The following UBAP2 variants were observed in gnomAD, a reference collection of about 807,000 sequenced individuals.
The protein encoded by UBAP2 is ubiquitin associated protein 2, also known as ubiquitin-associated protein 2.
A neutral mutation model predicts 139.6 loss-of-function variants in UBAP2; 75 were observed. That is an observed-to-expected ratio of 0.54 (90% CI 0.45 to 0.65). The LOEUF is 0.65. Among genes scored for constraint, UBAP2 ranks in the 30% least tolerant of loss-of-function variants. The pLI is 0.00. For synonymous variants in UBAP2, 526 were observed against 526.2 expected (o/e 1.00, Z 0.01); for missense variants, 1,368 against 1,369.6 (o/e 1.00, Z 0.02).
Position 33,923,430 on chromosome 9 carries a change from T to C in UBAP2, c.2845A>G (p.Thr949Ala). 6.2e-7 allele frequency: 1 copy of C among 1,613,938 alleles called. No individual in the cohort carries two copies. Among genetic ancestry groups the C allele is most frequent in the Non-Finnish European group, 8.5e-7 (1 of 1,179,978 alleles). ...CCACTGGCCTGCTGGAAGGGAGGTG[T>C]GGGAGTGCTGAGGTTCACCCCATGT... Reference protein sequence around the residue: ...KQHGVNLSTPTPPFQQASGYG... With the variant: ...KQHGVNLSTPAPPFQQASGYG... The change falls in exon 25 of 29, where the codon ACA (threonine) becomes GCA (alanine). Residue 949 changes from threonine (T) to alanine (A), a missense_variant. Coordinates refer to ENST00000379238, the MANE Select transcript of UBAP2 (RefSeq NM_001370062.2).
At chr9:34,020,485 C>T (rs546551083) in intron 1 of UBAP2, among the ~76,000 whole-genome samples, 6 of 152,056 alleles carry the variant, frequency 3.9e-5, no homozygotes, top group South Asian at 2.1e-4. Flanking sequence ...CCACCATGCC[C>T]GGCTAATTTT....
intron 1 of UBAP2, among the ~76,000 whole-genome samples, chr9:34,021,643 T>C (rs1050593556): frequency 4.0e-5 from 6 of 151,378 alleles, no homozygotes; most frequent in Middle Eastern, 3.4e-3. Flanking sequence ...TTTTTTTTTT[T>C]TTTTTTTTGA....
At chr9:33,937,421 A>G (rs1824651056) in intron 16 of UBAP2, among the ~76,000 whole-genome samples, 1 of 152,010 alleles carries the variant, frequency 6.6e-6, no homozygotes, top group African/African-American at 2.4e-5. Flanking sequence ...AGCCTAGCCA[A>G]CATAGTGAAA....
chr9:34,034,514 A>T (rs1826158871), intron 1 of UBAP2, among the ~76,000 whole-genome samples: 1 of 152,202 alleles, frequency 6.6e-6, no homozygotes, highest in African/African-American at 2.4e-5. Context: ...TAATCCAAAT[A>T]CAAAATTCCT....
At chr9:34,037,483 C>T (rs1297946194) in intron 1 of UBAP2, among the ~76,000 whole-genome samples, 2 of 152,156 alleles carry the variant, frequency 1.3e-5, no homozygotes, top group African/African-American at 4.8e-5. Context: ...CTCACTCCCA[C>T]AAATCAAAGG....
intron 5 of UBAP2, 117 bp downstream of exon 5, chr9:33,988,856 T>C (rs1374102912): frequency 1.7e-6 from 2 of 1,150,874 alleles, no homozygotes; most frequent in African/African-American, 1.6e-5. Flanking sequence ...AAGAAAAAAT[T>C]TGAGAAAGCT....
At chr9:33,946,892 C>T (rs1825694146) in intron 13 of UBAP2, among the ~76,000 whole-genome samples, 1 of 152,082 alleles carries the variant, frequency 6.6e-6, no homozygotes, top group Non-Finnish European at 1.5e-5. Context: ...ACCTACAATT[C>T]CTCTCAAAAA....
At position 33,927,027 on chromosome 9, in the gene UBAP2, A is replaced by G. The variant is rs1372110046; in HGVS notation, c.2425T>C (p.Tyr809His). The change falls in exon 21 of 29, where the codon TAC becomes CAC. Residue 809 changes from tyrosine to histidine, a missense_variant. By Grantham distance (83) the Tyr-to-His change is moderately conservative. Coordinates refer to ENST00000379238, the MANE Select transcript of UBAP2 (RefSeq NM_001370062.2). Reference sequence around the variant, plus strand: ...AGCAGTCCTCCGGGACCTACGAGGTACTGGTTGTGCAGCAGGGGAGGCACC... The same window carrying G: ...AGCAGTCCTCCGGGACCTACGAGGTGCTGGTTGTGCAGCAGGGGAGGCACC... Reference protein sequence around the residue: ...QGVPPLLHNQYLVGPGGLLPA... With the variant: ...QGVPPLLHNQHLVGPGGLLPA... 2 of 1,614,010 alleles carry G rather than the reference A, an allele frequency of 1.2e-6. No homozygotes were observed. The highest frequency in any genetic ancestry group is 1.7e-5 in the Admixed American group (1 of 60,006).
In UBAP2 at chr9:33,963,823, C is replaced by A. The variant is rs376430921; in HGVS notation, c.680-32G>T. The A allele has an allele frequency of 1.5e-5, 22 of 1,515,572 alleles. No homozygotes were observed. The African/African-American group carries it at 3.0e-4, about 21-fold the overall frequency. 93.9% of individuals were successfully genotyped at this position (1,515,572 alleles called of 1,614,324 possible). ...ACCAATGTAAAATTGAGGGTTTAAA[C>A]ATATGAAAAGAATGAAAGTATTCAT... On this transcript the variant is annotated intron_variant, in intron 8 of 28. Coordinates refer to ENST00000379238, the MANE Select transcript of UBAP2 (RefSeq NM_001370062.2).
intron 11 of UBAP2, among the ~76,000 whole-genome samples, chr9:33,955,587 C>G (rs7865402): frequency 0.4 from 60,479 of 151,590 alleles, 12,433 homozygotes; most frequent in South Asian, 0.48. Context: ...CCAGCACTTT[C>G]GGAGGCTGAG....
At position 33,927,999 on chromosome 9, in the gene UBAP2, A is replaced by T. The variant is rs1267496591; in HGVS notation, c.2176-7T>A. ...CGCTCTCCACACTGGCATGCTGGCA[A>T]AAGAAAAGCCAGGACACATGGATCT... On this transcript the variant is annotated splice_polypyrimidine_tract_variant and splice_region_variant and intron_variant, in intron 19 of 28. Coordinates refer to ENST00000379238, the MANE Select transcript of UBAP2 (RefSeq NM_001370062.2). The T allele has an allele frequency of 5.6e-6, 9 of 1,607,806 alleles. No individual in the cohort carries two copies. Among genetic ancestry groups the T allele is most frequent in the African/African-American group, 1.3e-5 (1 of 74,826 alleles).
chr9:33,960,803 C>T (rs749831661), intron 10 of UBAP2, 23 bp downstream of exon 10: 3 of 1,594,724 alleles, frequency 1.9e-6, no homozygotes, highest in Admixed American at 1.7e-5. Context: ...AAAGAAAGGT[C>T]TCATCTGACA....
intron 12 of UBAP2, chr9:33,949,107 T>C (rs307655): frequency 0.6 from 91,795 of 152,762 alleles, 27,695 homozygotes; most frequent in East Asian, 0.77. Flanking sequence ...GCGGAGCTTG[T>C]AGTGAGCAGA....
In UBAP2 at chr9:33,936,347, T is replaced by C. The variant is rs372824154; in HGVS notation, c.1930-469A>G. On this transcript the variant is annotated intron_variant, in intron 16 of 28. Coordinates refer to ENST00000379238, the MANE Select transcript of UBAP2 (RefSeq NM_001370062.2). ...TCTTGCGCTGTCACCCAGGCTGGAGTGCAATGGCGCATCTTAGATCACTGC... is the reference window on the plus strand; with the variant it reads ...TCTTGCGCTGTCACCCAGGCTGGAGCGCAATGGCGCATCTTAGATCACTGC... Among the ~76,000 whole-genome samples, 7 of 151,854 alleles carry C rather than the reference T, an allele frequency of 4.6e-5. No homozygotes were observed. In the East Asian group the frequency reaches 9.6e-4, roughly 21 times the overall value.
chr9:34,013,152 C>T (rs530664978), intron 2 of UBAP2, among the ~76,000 whole-genome samples: 2 of 78,308 alleles, frequency 2.6e-5, no homozygotes. Flanking sequence ...GACTCTAGCT[C>T]AAAAAAAAAA....
intron 11 of UBAP2, among the ~76,000 whole-genome samples, chr9:33,953,824 T>C (rs781659667): frequency 6.6e-6 from 1 of 152,178 alleles, no homozygotes; most frequent in Non-Finnish European, 1.5e-5. Flanking sequence ...TTTACCCATT[T>C]ATTACCTAAA....
intron 6 of UBAP2, among the ~76,000 whole-genome samples, chr9:33,984,793 A>G (rs1309856611): frequency 2.0e-5 from 3 of 152,200 alleles, no homozygotes; most frequent in Non-Finnish European, 2.9e-5. Flanking sequence ...GAAAACCACA[A>G]TGAGATATCA....
rs748695775 is a variant in UBAP2 at position 33,944,476 on chromosome 9, G to A, written c.1434C>T (p.Asn478=). The change falls in exon 14 of 29, where the codon AAC becomes AAT. Residue 478 remains asparagine (N), a synonymous_variant. Transcript: ENST00000379238. ...TCGTGCTGGGAAGCTGCAAAAGCTT[G>A]TTCACAGTGGAGGGACTGTCTCCAG... The part of the protein sequence containing the change: ...STPGDSPSTV[N]KLLQLPSTTI... 5.1e-5 allele frequency: 83 copies of A among 1,614,034 alleles called. No homozygotes were observed. The highest frequency in any genetic ancestry group is 6.8e-5 in the Non-Finnish European group (80 of 1,180,040).
At chr9:33,978,923 C>T (rs1029518318) in intron 6 of UBAP2, among the ~76,000 whole-genome samples, 3 of 152,134 alleles carry the variant, frequency 2.0e-5, no homozygotes, top group African/African-American at 4.8e-5. Flanking sequence ...CAGAAGGAAA[C>T]CAACCCCTGT....
Sources: gnomAD v4.1 joint callset for allele counts (sites outside exome capture counted in the v4.1 genomes callset) on GRCh38, gnomAD v4.1.1 for gene constraint, MANE v1.5 for transcripts, NCBI Gene and HGNC (gene_info 2026-07-23, HGNC 2026-07-21) for gene names.